CCDC186: variants seen among roughly 807,000 people sequenced by gnomAD.
CCDC186 encodes coiled-coil domain containing 186, also known as coiled-coil domain-containing protein 186.
A neutral mutation model predicts 113.7 loss-of-function variants in CCDC186; 49 were observed. That is an observed-to-expected ratio of 0.43 (90% CI 0.34 to 0.55). CCDC186 has a LOEUF of 0.55. Ranked by LOEUF, CCDC186 falls within the 20% of genes least tolerant of loss-of-function variation. The probability of loss-of-function intolerance (pLI) is 0.02; values close to 1 mark genes in which losing one functional copy is unlikely to be tolerated. For synonymous variants in CCDC186, 355 were observed against 345.8 expected (o/e 1.03, Z -0.30); for missense variants, 890 against 1,011.1 (o/e 0.88, Z 1.62).
chr10:114,140,814 T>C (rs1035130998), intron 6 of CCDC186, among the ~76,000 whole-genome samples: 1 of 152,208 alleles, frequency 6.6e-6, no homozygotes, highest in Non-Finnish European at 1.5e-5. Context: ...TCTATCTCCT[T>C]GGACATATGG....
At chr10:114,164,337 G>C (rs576467574) in intron 1 of CCDC186, among the ~76,000 whole-genome samples, 1 of 151,758 alleles carries the variant, frequency 6.6e-6, no homozygotes, top group East Asian at 1.9e-4. Context: ...TGGCCAGGCT[G>C]GTCTCAAACT....
At position 114,132,071 on chromosome 10, in the gene CCDC186, A is replaced by G; in HGVS notation, c.1769T>C (p.Leu590Pro). The G allele has an allele frequency of 6.2e-7, 1 of 1,613,644 alleles. No homozygotes were observed. ...CTTACTAGTGAGCCTTTCTGTAAAC[A>G]GCAGCAGCTCAGATTCTCTTTTCCT... Reference protein sequence around the residue: ...GSRKRESELLLFTERLTSKNA... With the variant: ...GSRKRESELLPFTERLTSKNA... The change falls in exon 11 of 16, where the codon CTG becomes CCG. Residue 590 changes from leucine (L) to proline (P), a missense_variant. By Grantham distance (98) the Leu-to-Pro change is moderately conservative. Transcript: ENST00000369287.
In CCDC186 at chr10:114,125,357, A is replaced by G. The variant is rs115444939; in HGVS notation, c.2614-131T>C. On this transcript the variant is annotated intron_variant, in intron 15 of 15. Coordinates refer to ENST00000369287, the MANE Select transcript of CCDC186 (RefSeq NM_018017.4). ...TGGTTAGTCCTAAATGCTATGTCAGATAAACTAGTGACACACAGCTGTTTT... is the reference window on the plus strand; with the variant it reads ...TGGTTAGTCCTAAATGCTATGTCAGGTAAACTAGTGACACACAGCTGTTTT... 2.0e-3 allele frequency: 1,224 copies of G among 600,160 alleles called. 9 individuals carry two copies. In the African/African-American group the frequency reaches 0.021, roughly 10 times the overall value. The allele number at this position is 600,160 out of a possible 1,614,324, so 37.2% of individuals were successfully genotyped here.
Position 114,125,177 on chromosome 10 carries a change from T to C in CCDC186, c.2663A>G (p.Gln888Arg), listed in dbSNP as rs2030854448. 8 of 1,611,026 alleles carry C rather than the reference T, an allele frequency of 5.0e-6. No individual in the cohort carries two copies. Among genetic ancestry groups the C allele is most frequent in the Non-Finnish European group, 6.8e-6 (8 of 1,178,660 alleles). ...CTTTGTCCTCTGTTCTAGTTCATGC[T>C]GGTGTTTAATAAGACGTTCTATTTC... Reference protein sequence around the residue: ...GTEIERLIKHQHELEQRTKKT With the variant: ...GTEIERLIKHRHELEQRTKKT The change falls in exon 16 of 16, where the codon CAG becomes CGG. Residue 888 changes from glutamine (Q) to arginine (R), a missense_variant. Coordinates refer to ENST00000369287, the MANE Select transcript of CCDC186 (RefSeq NM_018017.4).
At chr10:114,170,854 G>A (rs923904626) in intron 1 of CCDC186, among the ~76,000 whole-genome samples, 2 of 151,676 alleles carry the variant, frequency 1.3e-5, no homozygotes, top group African/African-American at 2.4e-5. Context: ...CAATAGATGC[G>A]GCAAGACCCC....
chr10:114,133,645 A>G (rs1220835694), intron 10 of CCDC186, among the ~76,000 whole-genome samples: 1 of 152,190 alleles, frequency 6.6e-6, no homozygotes, highest in Non-Finnish European at 1.5e-5. Context: ...AGCCAAAGGA[A>G]CAAGCCTATC....
Position 114,145,762 on chromosome 10 carries a change from C to A in CCDC186, c.889-1G>T. 1 of 1,570,392 alleles carries A rather than the reference C, an allele frequency of 6.4e-7. No homozygotes were observed. Among genetic ancestry groups the A allele is most frequent in the African/African-American group, 1.4e-5 (1 of 72,076 alleles). On this transcript the variant is annotated splice_acceptor_variant, in intron 4 of 15. Coordinates refer to ENST00000369287, the MANE Select transcript of CCDC186 (RefSeq NM_018017.4). LOFTEE classifies it high-confidence loss of function. ...GTGCCTCTTCACATTTCTTGTTGGC[C>A]TTCAAAAAAAATATTACTTAGCATT...
intron 1 of CCDC186, among the ~76,000 whole-genome samples, chr10:114,171,687 T>C (rs1265583850): frequency 3.3e-5 from 5 of 152,244 alleles, no homozygotes; most frequent in African/African-American, 9.6e-5. Flanking sequence ...TAATTTGGTA[T>C]GCTCTACTTT....
At position 114,124,764 on chromosome 10, in the gene CCDC186, T is replaced by G. The variant is rs375433776; in HGVS notation, c.*379A>C. 1.9e-4 allele frequency: 31 copies of G among 164,548 alleles called. No individual in the cohort carries two copies. Among genetic ancestry groups the G allele is most frequent in the African/African-American group, 6.4e-4 (27 of 42,136 alleles). The allele number at this position is 164,548 out of a possible 1,614,324, so 10.2% of individuals were successfully genotyped here. ...CGTATTACTGAATGTTTACCACCTG[T>G]TTTCATGCATAATTTTTAAAAGGTG... On this transcript the variant is annotated 3_prime_UTR_variant, in exon 16 of 16. Coordinates refer to ENST00000369287, the MANE Select transcript of CCDC186 (RefSeq NM_018017.4).
chr10:114,122,663 G>C lies in CCDC186; in HGVS notation c.*2480C>G, dbSNP rs2030765961. On this transcript the variant is annotated 3_prime_UTR_variant, in exon 16 of 16. Coordinates refer to ENST00000369287, the MANE Select transcript of CCDC186 (RefSeq NM_018017.4). ...CCATTCTCCTCACCATATATTCAGA[G>C]GGCAGAAGGCCCTCTAAATCCTTAC... 1.3e-5 allele frequency: 2 copies of C among 152,040 alleles called. No individual in the cohort carries two copies. The highest frequency in any genetic ancestry group is 2.1e-4 in the South Asian group (1 of 4,820). 9.4% of individuals were successfully genotyped at this position (152,040 alleles called of 1,614,324 possible).
In CCDC186 at chr10:114,126,082, C is replaced by T. The variant is rs865916899; in HGVS notation, c.2417G>A (p.Arg806Gln). The change falls in exon 15 of 16, where the codon CGA (arginine) becomes CAA (glutamine). Residue 806 changes from arginine to glutamine, a missense_variant. Arg to Gln is a conservative substitution (Grantham distance 43, BLOSUM62 1). Transcript: ENST00000369287. ...KTKIIQSYIL[R>Q]EESGTLSSEA... ...TGAAGAAAGTGTGCCTGATTCTTCT[C>T]GTAAAATATAACTTTGAATTATTCT... 6.8e-6 allele frequency: 11 copies of T among 1,613,466 alleles called. No individual in the cohort carries two copies. The highest frequency in any genetic ancestry group is 1.1e-5 in the South Asian group (1 of 91,046).
intron 9 of CCDC186, 103 bp from the exon 10 acceptor site, chr10:114,135,158 C>A: frequency 8.7e-7 from 1 of 1,144,164 alleles, no homozygotes; most frequent in Non-Finnish European, 1.2e-6. Context: ...TCTAAAGCAC[C>A]ATTAACGTGA....
chr10:114,135,801 G>A (rs887733080), intron 9 of CCDC186, 90 bp downstream of exon 9: 3 of 1,018,022 alleles, frequency 2.9e-6, no homozygotes, highest in Non-Finnish European at 4.4e-6. Flanking sequence ...CTATATTAAT[G>A]TCCTTTCCCC....
chr10:114,151,954 T>A (rs1018032500), intron 3 of CCDC186, among the ~76,000 whole-genome samples: 3 of 152,136 alleles, frequency 2.0e-5, no homozygotes, highest in East Asian at 3.8e-4. Flanking sequence ...CTTCTATCCA[T>A]GAAACTGTGA....
At chr10:114,147,561 T>C (rs1010010145) in intron 4 of CCDC186, among the ~76,000 whole-genome samples, 7 of 152,112 alleles carry the variant, frequency 4.6e-5, no homozygotes, top group Non-Finnish European at 5.9e-5. Context: ...TTAAATTTGG[T>C]GTGTTGGCTG....
intron 1 of CCDC186, among the ~76,000 whole-genome samples, chr10:114,169,203 A>G (rs765300108): frequency 4.6e-5 from 7 of 151,042 alleles, no homozygotes; most frequent in Admixed American, 6.6e-5. Context: ...CACAGACTAT[A>G]AATTTTTAAA....
At chr10:114,158,206 T>C (rs1286914927) in intron 2 of CCDC186, among the ~76,000 whole-genome samples, 1 of 152,242 alleles carries the variant, frequency 6.6e-6, no homozygotes, top group Non-Finnish European at 1.5e-5. Context: ...ACTGCTAAAG[T>C]TGAAAAGTCT....
At chr10:114,152,586 TA>T (rs1242882365) in intron 3 of CCDC186, among the ~76,000 whole-genome samples, 5 of 151,978 alleles carry the variant, frequency 3.3e-5, no homozygotes, top group East Asian at 1.9e-4. Flanking sequence ...GAAGGAGGAA[TA>T]GGGGAAGAAA....
intron 1 of CCDC186, chr10:114,165,964 C>CT (rs1406583226): frequency 1.0e-6 from 1 of 981,148 alleles, no homozygotes; most frequent in African/African-American, 1.8e-5. Context: ...GAGTTTGTGA[C>CT]TTCATTTTTT....
Sources: allele counts gnomAD v4.1 joint callset (sites outside exome capture counted in the v4.1 genomes callset), GRCh38; gene constraint gnomAD v4.1.1; transcripts MANE v1.5; gene names NCBI Gene and HGNC (gene_info 2026-07-23, HGNC 2026-07-21).